Variants in PPP1R7 observed in about 807,000 individuals in gnomAD.
PPP1R7 encodes protein phosphatase 1 regulatory subunit 7, also known as protein phosphatase 1 regulatory subunit 22.
Under a neutral mutation model 45.2 loss-of-function variants are expected in PPP1R7, and 18 were observed. The observed-to-expected ratio is 0.40, with a 90% CI of 0.28 to 0.59. The LOEUF (loss-of-function observed/expected upper bound fraction) is 0.59. PPP1R7 is among the 20% of genes least tolerant of loss of function. PPP1R7 has a pLI of 0.46. For missense variants in PPP1R7, 314 were observed against 455.8 expected (o/e 0.69, Z 2.83); for synonymous variants, 181 against 183.4 (o/e 0.99, Z 0.11).
chr2:241,150,802 T>TG (rs1462383086), intron 1 of PPP1R7, among the ~76,000 whole-genome samples: 1 of 151,572 alleles, frequency 6.6e-6, no homozygotes, highest in Non-Finnish European at 1.5e-5. Flanking sequence ...AGGCCGGGGG[T>TG]GGGGCTGAAT....
intron 6 of PPP1R7, among the ~76,000 whole-genome samples, 169 bp from the exon 7 acceptor site, chr2:241,163,116 T>C (rs185540003): frequency 2.0e-5 from 3 of 152,142 alleles, no homozygotes; most frequent in Non-Finnish European, 4.4e-5. Context: ...TCGCCACTAT[T>C]GTATTCTACC....
chr2:241,172,141 C>G (rs987101957), intron 9 of PPP1R7, among the ~76,000 whole-genome samples: 4 of 133,702 alleles, frequency 3.0e-5, no homozygotes, highest in African/African-American at 1.1e-4. Context: ...TTCCTACCTA[C>G]TTTTTGGAGT....
intron 1 of PPP1R7, among the ~76,000 whole-genome samples, chr2:241,152,214 G>A (rs1341532877): frequency 6.6e-6 from 1 of 152,238 alleles, no homozygotes; most frequent in Non-Finnish European, 1.5e-5. Flanking sequence ...AGGCATAGGT[G>A]CTATACTAGC....
chr2:241,157,709 G>A (rs944648894), intron 2 of PPP1R7, 98 bp from the exon 3 acceptor site: 4 of 1,203,962 alleles, frequency 3.3e-6, no homozygotes, highest in Non-Finnish European at 4.8e-6. Context: ...AGCTGGCTCT[G>A]GGCACCAAAC....
intron 9 of PPP1R7, among the ~76,000 whole-genome samples, chr2:241,173,404 C>T (rs1409179662): frequency 6.6e-6 from 1 of 151,966 alleles, no homozygotes; most frequent in Non-Finnish European, 1.5e-5. Context: ...CCACCACACA[C>T]GGCCCTGGTT....
At chr2:241,178,012 C>T (rs898202745) in intron 9 of PPP1R7, among the ~76,000 whole-genome samples, 9 of 152,246 alleles carry the variant, frequency 5.9e-5, no homozygotes, top group Non-Finnish European at 1.3e-4. Context: ...CACAGCTGTG[C>T]TTCCTCAGCC....
At chr2:241,171,148 A>G (rs1434748823) in intron 9 of PPP1R7, among the ~76,000 whole-genome samples, 1 of 152,214 alleles carries the variant, frequency 6.6e-6, no homozygotes, top group African/African-American at 2.4e-5. Context: ...TTCCTTCTGC[A>G]TGCCCTGCCT....
At chr2:241,159,613 G>A (rs56237707) in intron 5 of PPP1R7, among the ~76,000 whole-genome samples, 41,461 of 152,168 alleles carry the variant, frequency 0.27, 6,839 homozygotes, top group Middle Eastern at 0.45. Flanking sequence ...GGGGACTTCT[G>A]GAAAGCCTCC....
At chr2:241,156,861 G>A (rs2067469624) in intron 2 of PPP1R7, among the ~76,000 whole-genome samples, 1 of 152,106 alleles carries the variant, frequency 6.6e-6, no homozygotes, top group Non-Finnish European at 1.5e-5. Context: ...AGTGTTTTGA[G>A]GGGTGAGTGT....
chr2:241,152,049 C>T (rs562704477), intron 1 of PPP1R7, among the ~76,000 whole-genome samples: 3 of 152,332 alleles, frequency 2.0e-5, no homozygotes, highest in East Asian at 3.9e-4. Flanking sequence ...GTTTTTGTGC[C>T]AGATTGTCAT....
chr2:241,160,198 A>G, intron 5 of PPP1R7, 134 bp from the exon 6 acceptor site: 1 of 669,502 alleles, frequency 1.5e-6, no homozygotes, highest in South Asian at 2.1e-5. Flanking sequence ...GCACAGTCAG[A>G]ACCCCCCACC....
intron 3 of PPP1R7, 57 bp downstream of exon 3, chr2:241,157,919 T>A: frequency 6.5e-7 from 1 of 1,537,914 alleles, no homozygotes; most frequent in Non-Finnish European, 9.0e-7. Context: ...CCTGTCAGGT[T>A]ATCTTGTATG....
intron 8 of PPP1R7, among the ~76,000 whole-genome samples, chr2:241,167,519 G>T (rs74705347): frequency 0.019 from 2,844 of 152,282 alleles, 99 homozygotes; most frequent in African/African-American, 0.064. Flanking sequence ...GGCCGGGTGG[G>T]GTGCGCAGCA....
chr2:241,163,590 T>C (rs1386209491), intron 7 of PPP1R7, among the ~76,000 whole-genome samples, 189 bp downstream of exon 7: 4 of 152,194 alleles, frequency 2.6e-5, no homozygotes, highest in Admixed American at 2.0e-4. Flanking sequence ...GATTCTCTTT[T>C]TTATTTTTTA....
intron 2 of PPP1R7, chr2:241,155,033 G>A (rs1024076658): frequency 5.9e-5 from 9 of 152,238 alleles, no homozygotes; most frequent in African/African-American, 1.9e-4. Context: ...TGAGGCTGAT[G>A]TTCTGGAAGT....
At chr2:241,161,710 CAT>C (rs1253355992) in intron 6 of PPP1R7, among the ~76,000 whole-genome samples, 1 of 152,238 alleles carries the variant, frequency 6.6e-6, no homozygotes, top group Non-Finnish European at 1.5e-5. Context: ...TAACCACCGT[CAT>C]GTGCTGGAGG....
intron 9 of PPP1R7, among the ~76,000 whole-genome samples, chr2:241,181,291 A>G (rs1036247280): frequency 5.9e-5 from 9 of 152,118 alleles, no homozygotes; most frequent in African/African-American, 2.2e-4. Flanking sequence ...GTAAGTTACT[A>G]AAGACAGCCT....
intron 9 of PPP1R7, among the ~76,000 whole-genome samples, chr2:241,181,044 A>G (rs1206386825): frequency 6.6e-6 from 1 of 152,132 alleles, no homozygotes; most frequent in African/African-American, 2.4e-5. Flanking sequence ...ACAAAAATAC[A>G]AAAATTAGCC....
intron 9 of PPP1R7, among the ~76,000 whole-genome samples, chr2:241,177,578 C>T (rs1386765292): frequency 1.3e-5 from 2 of 152,284 alleles, no homozygotes; most frequent in Admixed American, 6.5e-5. Context: ...CTATGACATA[C>T]AAAAAGTTCT....
Sources: allele counts gnomAD v4.1 joint callset (sites outside exome capture counted in the v4.1 genomes callset), GRCh38; gene constraint gnomAD v4.1.1; transcripts MANE v1.5; gene names NCBI Gene and HGNC (gene_info 2026-07-23, HGNC 2026-07-21).